Variants in ZSWIM2 observed in about 807,000 individuals in gnomAD.
ZSWIM2 encodes the protein zinc finger SWIM-type containing 2.
Under a neutral mutation model 48.4 loss-of-function variants are expected in ZSWIM2, and 38 were observed. That is an observed-to-expected ratio of 0.79 (90% confidence interval 0.61 to 1.03). ZSWIM2 has a LOEUF of 1.03. ZSWIM2 is among the 50% of genes least tolerant of loss of function. The probability of loss-of-function intolerance (pLI) is 0.00; values close to 1 mark genes in which losing one functional copy is unlikely to be tolerated. For synonymous variants in ZSWIM2, 240 were observed against 251.3 expected, an observed-to-expected ratio of 0.96 and a Z score of 0.42; for missense variants, 776 against 730.2, an observed-to-expected ratio of 1.06 and a Z score of -0.72.
At position 186,828,409 on chromosome 2, in the gene ZSWIM2, A is replaced by G. The variant is rs1559110703; in HGVS notation, c.1477T>C (p.Phe493Leu). The G allele has an allele frequency of 1.9e-6, 3 of 1,613,616 alleles. No homozygotes were observed. Among genetic ancestry groups the G allele is most frequent in the Non-Finnish European group, 1.7e-6 (2 of 1,179,774 alleles). ...LTYDYKISQH[F>L]PRYLQDLPTV... is the part of the protein sequence containing the mutation. ...GGTAAATCTTGAAGATACCTGGGAA[A>G]ATGTTGGCTAATTTTATAATCATAG... The change falls in exon 9 of 9, where the codon TTT becomes CTT. Residue 493 changes from phenylalanine to leucine, a missense_variant. Physicochemically the swap from Phe to Leu is conservative, Grantham distance 22. Transcript: ENST00000295131.
At chr2:186,837,975 C>A (rs1691828316) in intron 4 of ZSWIM2, among the ~76,000 whole-genome samples, 1 of 151,330 alleles carries the variant, frequency 6.6e-6, no homozygotes, top group Admixed American at 6.6e-5. Context: ...ATGGTAGTAC[C>A]AAAGAAATAT....
At chr2:186,842,198 C>T (rs1691916081) in intron 3 of ZSWIM2, among the ~76,000 whole-genome samples, 2 of 151,306 alleles carry the variant, frequency 1.3e-5, no homozygotes, top group Admixed American at 1.3e-4. Context: ...TCCCTCCACA[C>T]TTATTTAAAC....
chr2:186,843,320 G>A lies in ZSWIM2; in HGVS notation c.283+1397C>T, dbSNP rs145206399. 3.0e-3 allele frequency among the ~76,000 whole-genome samples: 460 copies of A among 151,640 alleles called. 4 individuals are homozygous for A. The highest frequency in any genetic ancestry group is 0.011 in the African/African-American group (438 of 41,488). ...TAAAACCATACAACCTAGTCATCAC[G>A]CATGAAGGGACTGAGAGAGAGGCTT... On this transcript the variant is annotated intron_variant, in intron 3 of 8. Transcript: ENST00000295131.
chr2:186,841,053 GAC>G (rs1370893610), intron 3 of ZSWIM2, among the ~76,000 whole-genome samples: 2 of 151,434 alleles, frequency 1.3e-5, no homozygotes, highest in Non-Finnish European at 3.0e-5. Context: ...CACTAAAACT[GAC>G]TGAATAAACA....
chr2:186,830,082 A>G (rs73037774), intron 7 of ZSWIM2, among the ~76,000 whole-genome samples: 3,286 of 152,264 alleles, frequency 0.022, 113 homozygotes, highest in African/African-American at 0.075. Context: ...CAACTTCATA[A>G]AGAACAAAGT....
chr2:186,832,400 G>A lies in ZSWIM2; in HGVS notation c.941+720C>T, dbSNP rs183791315. On this transcript the variant is annotated intron_variant, in intron 7 of 8. Transcript: ENST00000295131. Reference sequence around the variant, plus strand: ...GTCTCCCAAAGTGCTAGGATTACAGGCGTGAGCCACAGCGCCCGGCCTAAA... The same window carrying A: ...GTCTCCCAAAGTGCTAGGATTACAGACGTGAGCCACAGCGCCCGGCCTAAA... Among the ~76,000 whole-genome samples the A allele has an allele frequency of 4.6e-5, 7 of 152,188 alleles. No individual in the cohort carries two copies. The East Asian group carries it at 1.4e-3, about 29-fold the overall frequency.
intron 2 of ZSWIM2, among the ~76,000 whole-genome samples, chr2:186,847,280 A>C (rs1465855901): frequency 6.6e-6 from 1 of 152,088 alleles, no homozygotes; most frequent in Non-Finnish European, 1.5e-5. Context: ...CCAATACGGA[A>C]AAGGTGAACA....
intron 7 of ZSWIM2, 75 bp downstream of exon 7, chr2:186,833,045 T>A (rs1424424660): frequency 1.6e-6 from 1 of 631,266 alleles, no homozygotes; most frequent in Non-Finnish European, 2.5e-6. Context: ...AAAGAATAAA[T>A]AAAACTTATT....
intron 3 of ZSWIM2, among the ~76,000 whole-genome samples, chr2:186,840,465 C>T (rs1049371790): frequency 1.8e-5 from 2 of 112,180 alleles, no homozygotes; most frequent in African/African-American, 1.1e-4. Context: ...GACAGCTAAC[C>T]GGGACTGACA....
At chr2:186,830,705 CTA>C (rs1195325678) in intron 7 of ZSWIM2, among the ~76,000 whole-genome samples, 1 of 47,332 alleles carries the variant, frequency 2.1e-5, no homozygotes, top group African/African-American at 2.7e-4. Context: ...TGTTAATAGT[CTA>C]ACTCTAAAAG....
At position 186,838,954 on chromosome 2, in the gene ZSWIM2, A is replaced by T. The variant is rs779198876; in HGVS notation, c.494+5T>A. 1 of 1,604,136 alleles carries T rather than the reference A, an allele frequency of 6.2e-7. No individual in the cohort carries two copies. The highest frequency in any genetic ancestry group is 8.5e-7 in the Non-Finnish European group (1 of 1,174,768). ...TTTTAAGAATCTAAAGAAAAAGTAC[A>T]TCACCTGCAAAAGGTGACAGGAAGC... On this transcript the variant is annotated splice_donor_5th_base_variant and intron_variant, in intron 4 of 8. Transcript: ENST00000295131.
intron 5 of ZSWIM2, among the ~76,000 whole-genome samples, chr2:186,835,224 T>C (rs988690406): frequency 6.6e-6 from 1 of 152,152 alleles, no homozygotes; most frequent in Non-Finnish European, 1.5e-5. Flanking sequence ...ATAAAAACTA[T>C]TGACAAGTCA....
chr2:186,837,260 A>G (rs748788481), intron 5 of ZSWIM2, 46 bp downstream of exon 5: 18 of 1,597,772 alleles, frequency 1.1e-5, no homozygotes, highest in Non-Finnish European at 1.5e-5. Context: ...CCTGATGTAA[A>G]AAAATAAAAA....
intron 7 of ZSWIM2, among the ~76,000 whole-genome samples, chr2:186,831,357 G>A (rs1285590665): frequency 1.4e-5 from 2 of 147,840 alleles, no homozygotes; most frequent in African/African-American, 5.2e-5. Context: ...ATGTATACGT[G>A]TGTGGGGGTA....
rs561662353 is a variant in ZSWIM2, at chr2:186,833,168, G to A, written c.893C>T (p.Thr298Ile). ...CATCTTTTCTTCAATCTCATTTTTA[G>A]TATCTATGTATTTTACAACTTCATC... is the stretch of plus-strand genomic sequence containing the variant. ...RADEVVKYID[T>I]KNEIEEKMSH... Residue 298 changes from threonine to isoleucine, a missense_variant, in exon 7 of 9, where the codon ACT (threonine) becomes ATT (isoleucine). Physicochemically the swap from Thr to Ile is moderately conservative, Grantham distance 89. Coordinates refer to ENST00000295131, the MANE Select transcript of ZSWIM2 (RefSeq NM_182521.3). 1.3e-6 allele frequency: 2 copies of A among 1,524,162 alleles called. No individual in the cohort carries two copies. The highest frequency in any genetic ancestry group is 4.4e-5 in the Admixed American group (2 of 45,858). 94.4% of individuals were successfully genotyped at this position (1,524,162 alleles called of 1,614,324 possible). A position where few individuals can be genotyped will look rare whatever the true frequency, so the allele number is the denominator to read the frequency against.
rs6725956 is a variant in ZSWIM2, at chr2:186,849,139, C to G, written c.-9G>C. On this transcript the variant is annotated 5_prime_UTR_variant, in exon 1 of 9. Coordinates refer to ENST00000295131, the MANE Select transcript of ZSWIM2 (RefSeq NM_182521.3). ...TAGCCTCGGCGAAGCATGCTGGGTG[C>G]GGGCGGAGGCGGCCCCTCTGCTCGG... The G allele has an allele frequency of 0.093, 148,235 of 1,601,050 alleles. 9,321 individuals carry two copies. The highest frequency in any genetic ancestry group is 0.33 in the African/African-American group (24,850 of 74,656).
chr2:186,837,392 A>C lies in ZSWIM2; in HGVS notation c.657T>G (p.Ala219=). The C allele has an allele frequency of 6.2e-7, 1 of 1,613,040 alleles. No individual in the cohort carries two copies. Among genetic ancestry groups the C allele is most frequent in the Non-Finnish European group, 8.5e-7 (1 of 1,179,320 alleles). Reference sequence around the variant, plus strand: ...TGTCCAGTCTCTCTTTTTCTGCTGCAGCTACTAGTTTGCTAGAGTTTTTGA... The same window carrying C: ...TGTCCAGTCTCTCTTTTTCTGCTGCCGCTACTAGTTTGCTAGAGTTTTTGA... ...EEFKNSSKLV[A]AAEKERLDKH... The change falls in exon 5 of 9, where the codon GCT becomes GCG. Residue 219 remains alanine, a synonymous_variant. Transcript: ENST00000295131.
At chr2:186,846,558 T>G (rs1392317983) in intron 2 of ZSWIM2, among the ~76,000 whole-genome samples, 1 of 151,840 alleles carries the variant, frequency 6.6e-6, no homozygotes, top group Non-Finnish European at 1.5e-5. Flanking sequence ...TCAACCTTTA[T>G]GAAAAACAGT....
intron 3 of ZSWIM2, among the ~76,000 whole-genome samples, chr2:186,839,594 G>C (rs1245325459): frequency 1.3e-5 from 2 of 151,778 alleles, no homozygotes; most frequent in South Asian, 2.1e-4. Context: ...TTATTTGTTA[G>C]ATGAATAAGT....
Sources: allele counts gnomAD v4.1 joint callset (sites outside exome capture counted in the v4.1 genomes callset), GRCh38; gene constraint gnomAD v4.1.1; transcripts MANE v1.5; gene names NCBI Gene and HGNC (gene_info 2026-07-23, HGNC 2026-07-21).